DMD: variants seen among roughly 807,000 people sequenced by gnomAD.
DMD encodes the protein dystrophin.
In DMD, 63 loss-of-function variants were observed where a neutral mutation model predicts 330.1. The ratio of observed to expected loss-of-function variants is 0.19; its 90% CI spans 0.16 to 0.24. The LOEUF is 0.24. Among genes scored for constraint, DMD ranks in the 10% least tolerant of loss-of-function variants. DMD has a pLI of 1.00. For missense variants in DMD, 3,344 were observed against 2,684.1 expected, an observed-to-expected ratio of 1.25 and a Z score of -5.43; for synonymous variants, 1,223 against 959.8, an observed-to-expected ratio of 1.27 and a Z score of -5.07.
chrX:33,334,014 C>T (rs1341547141), intron 1 of DMD, among the ~76,000 whole-genome samples: 1 of 111,003 alleles, frequency 9.0e-6, no homozygotes, highest in African/African-American at 3.3e-5. Context: ...CCTTGTTTTC[C>T]ATTGACTTTC....
intron 41 of DMD, among the ~76,000 whole-genome samples, chrX:32,314,018 G>A (rs2097574031): frequency 9.0e-6 from 1 of 111,629 alleles, no homozygotes; most frequent in African/African-American, 3.3e-5. Flanking sequence ...AGCTACCATT[G>A]ACTTTCTTCA....
chrX:31,241,613 C>A (rs2048297999), intron 63 of DMD, among the ~76,000 whole-genome samples: 1 of 111,601 alleles, frequency 9.0e-6, no homozygotes, highest in African/African-American at 3.3e-5. Flanking sequence ...CATATAACTC[C>A]CTTTTTCTTT....
At chrX:32,073,967 AATAG>A (rs1261261573) in intron 44 of DMD, among the ~76,000 whole-genome samples, 6 of 111,756 alleles carry the variant, frequency 5.4e-5, no homozygotes, top group Admixed American at 4.8e-4. Flanking sequence ...ATTCCATAAA[AATAG>A]ATAGACAAAG....
chrX:31,456,610 T>C (rs1311177683), intron 59 of DMD, among the ~76,000 whole-genome samples: 1 of 111,392 alleles, frequency 9.0e-6, no homozygotes, highest in African/African-American at 3.3e-5. Flanking sequence ...GAAAAGCAAA[T>C]AGCCTTTAAT....
At chrX:32,404,375 ATTATGAGGCACTCTTCTTTGAAGGTAAT>A (rs2147836584) in intron 30 of DMD, among the ~76,000 whole-genome samples, 2 of 111,387 alleles carry the variant, frequency 1.8e-5, no homozygotes, top group Non-Finnish European at 3.8e-5. Flanking sequence ...TCAATATTTA[ATTATGAGGCACTCTTCTTTGAAGGTAAT>A]TTGTTTCCTT....
At chrX:32,884,700 A>G (rs996829363) in intron 2 of DMD, among the ~76,000 whole-genome samples, 4 of 111,585 alleles carry the variant, frequency 3.6e-5, no homozygotes, top group South Asian at 3.8e-4. Flanking sequence ...CTCATTTCAT[A>G]TACTCATTCC....
intron 7 of DMD, among the ~76,000 whole-genome samples, chrX:32,780,351 A>C (rs2074600010): frequency 8.9e-6 from 1 of 112,172 alleles, no homozygotes; most frequent in African/African-American, 3.2e-5. Context: ...TTTTAGATAA[A>C]GTTTGAAATT....
chrX:32,592,765 C>G, intron 13 of DMD, among the ~76,000 whole-genome samples: 1 of 112,410 alleles, frequency 8.9e-6, no homozygotes. Context: ...GACCTTGGGG[C>G]TCCTCAAGCC....
intron 1 of DMD, among the ~76,000 whole-genome samples, chrX:33,111,981 A>T (rs2095342921): frequency 9.0e-6 from 1 of 111,476 alleles, no homozygotes; most frequent in African/African-American, 3.3e-5. Flanking sequence ...TACATGAAAT[A>T]AAAATCTCAA....
intron 2 of DMD, among the ~76,000 whole-genome samples, chrX:33,005,158 G>A (rs2093366173): frequency 9.1e-6 from 1 of 109,370 alleles, no homozygotes; most frequent in Admixed American, 1.0e-4. Flanking sequence ...TCAACACAAT[G>A]TTAAGTATTA....
At chrX:31,256,587 T>C (rs2147574373) in intron 63 of DMD, among the ~76,000 whole-genome samples, 1 of 112,087 alleles carries the variant, frequency 8.9e-6, no homozygotes, top group East Asian at 2.8e-4. Context: ...AAAAGTTCTA[T>C]TTTCTCTACC....
At chrX:31,300,076 A>T (rs1279934078) in intron 62 of DMD, among the ~76,000 whole-genome samples, 1 of 112,019 alleles carries the variant, frequency 8.9e-6, no homozygotes, top group Non-Finnish European at 1.9e-5. Flanking sequence ...AGTTGGAAAG[A>T]GTATGTTCCA....
intron 44 of DMD, among the ~76,000 whole-genome samples, chrX:32,166,317 T>A (rs2147303420): frequency 9.1e-6 from 1 of 110,268 alleles, no homozygotes; most frequent in Admixed American, 9.7e-5. Flanking sequence ...GTTAGCTGGG[T>A]ATCGTGGTAC....
chrX:31,130,806 A>G (rs2034383347), intron 77 of DMD, among the ~76,000 whole-genome samples: 1 of 112,133 alleles, frequency 8.9e-6, no homozygotes, highest in African/African-American at 3.2e-5. Context: ...CACCTTCAGG[A>G]CCAACTCTGT....
At position 32,755,564 on chromosome X, in the gene DMD, T is replaced by A. The variant is rs191401804; in HGVS notation, c.649+53929A>T. Among the ~76,000 whole-genome samples the A allele has an allele frequency of 1.2e-4, 13 of 112,084 alleles. No individual in the cohort carries two copies. The East Asian group carries it at 3.7e-3, about 32-fold the overall frequency. On this transcript the variant is annotated intron_variant, in intron 7 of 78. Transcript: ENST00000357033. ...TATTTGCTCTTTGAGGAGTAATACA[T>A]GTTTTATAACTCAATGATGTTTTCA...
At chrX:33,219,747 G>A (rs758517630) in intron 1 of DMD, among the ~76,000 whole-genome samples, 2 of 111,724 alleles carry the variant, frequency 1.8e-5, no homozygotes, top group South Asian at 7.5e-4. Context: ...ATGTAAGAAA[G>A]GTATTATGAG....
At chrX:32,633,763 A>T (rs2058904505) in intron 11 of DMD, among the ~76,000 whole-genome samples, 1 of 111,859 alleles carries the variant, frequency 8.9e-6, no homozygotes, top group Non-Finnish European at 1.9e-5. Flanking sequence ...TTATGGCAGA[A>T]GGTGAAGGAG....
Position 32,673,665 on chromosome X carries a change from A to T in DMD, c.960+24205T>A, listed in dbSNP as rs746052750. On this transcript the variant is annotated intron_variant, in intron 9 of 78. Coordinates refer to ENST00000357033, the MANE Select transcript of DMD (RefSeq NM_004006.3). ...TGCTTCCCTAAAGCACTTTTGTGACAAAGTAGACGATCCCTCCTATCATGA... is the reference window on the plus strand; with the variant it reads ...TGCTTCCCTAAAGCACTTTTGTGACTAAGTAGACGATCCCTCCTATCATGA... Among the ~76,000 whole-genome samples, 4 of 111,967 alleles carry T rather than the reference A, an allele frequency of 3.6e-5. No individual in the cohort carries two copies. The Admixed American group carries it at 3.8e-4, about 11-fold the overall frequency.
chrX:32,137,729 A>G (rs2096733756), intron 44 of DMD, among the ~76,000 whole-genome samples: 1 of 110,684 alleles, frequency 9.0e-6, no homozygotes, highest in African/African-American at 3.3e-5. Context: ...GAGAAACAAG[A>G]GTGCCTCGGA....
Sources: gnomAD v4.1 joint callset for allele counts (sites outside exome capture counted in the v4.1 genomes callset) on GRCh38, gnomAD v4.1.1 for gene constraint, MANE v1.5 for transcripts, NCBI Gene and HGNC (gene_info 2026-07-23, HGNC 2026-07-21) for gene names.